The following CLINT1 variants were observed in gnomAD, a reference collection of about 807,000 sequenced individuals.
The protein encoded by CLINT1 is clathrin interacting protein localized in the trans-Golgi region.
In CLINT1, 15 loss-of-function variants were observed where a neutral mutation model predicts 70.4. The ratio of observed to expected loss-of-function variants is 0.21; its 90% CI spans 0.14 to 0.33. The LOEUF is 0.33. Among genes scored for constraint, CLINT1 ranks in the 10% least tolerant of loss-of-function variants. CLINT1 has a pLI of 1.00. For missense variants in CLINT1, 615 were observed against 778.1 expected, an observed-to-expected ratio of 0.79 and a Z score of 2.49; for synonymous variants, 227 against 254.7, an observed-to-expected ratio of 0.89 and a Z score of 1.04.
At chr5:157,833,245 G>A (rs1462464445) in intron 1 of CLINT1, among the ~76,000 whole-genome samples, 3 of 152,016 alleles carry the variant, frequency 2.0e-5, no homozygotes, top group Non-Finnish European at 4.4e-5. Flanking sequence ...CAGCTATCTG[G>A]GAAGCTGAGG....
At chr5:157,858,745 G>A (rs1251122417) in intron 1 of CLINT1, among the ~76,000 whole-genome samples, 185 bp downstream of exon 1, 1 of 152,190 alleles carries the variant, frequency 6.6e-6, no homozygotes, top group Non-Finnish European at 1.5e-5. Flanking sequence ...AAACGAGGGA[G>A]GGTCCCTCCC....
intron 1 of CLINT1, among the ~76,000 whole-genome samples, chr5:157,838,125 T>TG (rs1416558831): frequency 6.7e-6 from 1 of 149,568 alleles, no homozygotes; most frequent in Non-Finnish European, 1.5e-5. Context: ...TTTTTTTGTT[T>TG]TTTTTTTTTT....
intron 1 of CLINT1, among the ~76,000 whole-genome samples, chr5:157,835,416 A>C (rs922667652): frequency 4.6e-5 from 7 of 152,344 alleles, no homozygotes; most frequent in African/African-American, 1.7e-4. Context: ...AAATGTCACC[A>C]GAGGCTCAAA....
In CLINT1 at chr5:157,809,823, A is replaced by T. The variant is rs1762500352; in HGVS notation, c.518-18T>A. 5 of 1,601,298 alleles carry T rather than the reference A, an allele frequency of 3.1e-6. No homozygotes were observed. The highest frequency in any genetic ancestry group is 1.4e-5 in the African/African-American group (1 of 73,848). On this transcript the variant is annotated intron_variant, in intron 5 of 11. Transcript: ENST00000411809. Reference sequence around the variant, plus strand: ...TCTTTCACCTAGATAGAGCATTAAAAAAAGAAGCAATTCTAACGACATTAA... The same window carrying T: ...TCTTTCACCTAGATAGAGCATTAAATAAAGAAGCAATTCTAACGACATTAA...
intron 7 of CLINT1, among the ~76,000 whole-genome samples, chr5:157,804,750 G>C (rs1313390144): frequency 6.6e-6 from 1 of 151,818 alleles, no homozygotes; most frequent in Non-Finnish European, 1.5e-5. Context: ...CATGGAGAAA[G>C]CCCGTCTCTA....
intron 1 of CLINT1, among the ~76,000 whole-genome samples, chr5:157,847,460 G>A (rs553120129): frequency 8.8e-4 from 134 of 151,854 alleles, no homozygotes; most frequent in Admixed American, 2.8e-3. Context: ...GCAGTGAGCC[G>A]AGATCGTGCC....
At chr5:157,854,773 G>A (rs374458910) in intron 1 of CLINT1, among the ~76,000 whole-genome samples, 1 of 152,212 alleles carries the variant, frequency 6.6e-6, no homozygotes, top group East Asian at 1.9e-4. Context: ...CTATGCTTAG[G>A]AGAATAACTT....
intron 6 of CLINT1, among the ~76,000 whole-genome samples, chr5:157,806,834 CTTT>C (rs1019625196): frequency 7.9e-5 from 12 of 151,946 alleles, no homozygotes; most frequent in African/African-American, 2.7e-4. Context: ...TTTCCTTTTT[CTTT>C]AATAGTGAAA....
chr5:157,791,713 G>A lies in CLINT1; in HGVS notation c.1370C>T (p.Ser457Leu). 1 of 1,611,864 alleles carries A rather than the reference G, an allele frequency of 6.2e-7. No homozygotes were observed. The highest frequency in any genetic ancestry group is 8.5e-7 in the Non-Finnish European group (1 of 1,178,694). ...AACCAGACAACTTACCTGTGATCTT[G>A]ACATAGGCAAACCAAGTCCCACAGT... Reference protein sequence around the residue: ...TNTVGLGLPMSRSQNTDMVQK... With the variant: ...TNTVGLGLPMLRSQNTDMVQK... Residue 457 changes from serine to leucine, a missense_variant, in exon 10 of 12, where the codon TCA becomes TTA. Physicochemically the swap from Ser to Leu is moderately radical, Grantham distance 145. This residue lies in a region of CLINT1 where 374 missense variants were observed against 409.6 expected (regional missense o/e 0.91). Transcript: ENST00000411809.
intron 1 of CLINT1, among the ~76,000 whole-genome samples, chr5:157,837,704 C>T (rs549606085): frequency 6.9e-6 from 1 of 145,494 alleles, no homozygotes; most frequent in East Asian, 2.0e-4. Flanking sequence ...AGCACAGTGG[C>T]GTGATCTTGG....
At chr5:157,828,078 A>C (rs1248437666) in intron 1 of CLINT1, among the ~76,000 whole-genome samples, 1 of 152,156 alleles carries the variant, frequency 6.6e-6, no homozygotes, top group African/African-American at 2.4e-5. Flanking sequence ...ACATGTGTAA[A>C]GCATTCAGTT....
In CLINT1 at chr5:157,841,347, C is replaced by T. The variant is rs192757270; in HGVS notation, c.41+17583G>A. Among the ~76,000 whole-genome samples the T allele has an allele frequency of 5.1e-3, 781 of 152,150 alleles. 9 individuals carry two copies. The highest frequency in any genetic ancestry group is 0.017 in the African/African-American group (719 of 41,496). On this transcript the variant is annotated intron_variant, in intron 1 of 11. Transcript: ENST00000411809. Reference sequence around the variant, plus strand: ...TTGGGAGGCCGAGGTGGGCAGACCACCTGAGGTCAGGAGTTCGAGACCAGC... The same window carrying T: ...TTGGGAGGCCGAGGTGGGCAGACCATCTGAGGTCAGGAGTTCGAGACCAGC...
Position 157,813,157 on chromosome 5 carries a change from A to G in CLINT1, c.423T>C (p.Asp141=), listed in dbSNP as rs1762612218. The G allele has an allele frequency of 6.2e-7, 1 of 1,613,732 alleles. No individual in the cohort carries two copies. The change falls in exon 5 of 12, where the codon GAT becomes GAC. Residue 141 remains aspartate, a synonymous_variant. Transcript: ENST00000411809. ...TTCGCTCTTCACGAAGCCTGTCGTCATCCTGGGCAAATTCAACCAATTCCT... is the reference window on the plus strand; with the variant it reads ...TTCGCTCTTCACGAAGCCTGTCGTCGTCCTGGGCAAATTCAACCAATTCCT... The part of the protein sequence containing the change: ...KVKELVEFAQ[D]DDRLREERKK...
chr5:157,790,672 T>C (rs1298054276), intron 10 of CLINT1: 1 of 454,558 alleles, frequency 2.2e-6, no homozygotes, highest in African/African-American at 2.0e-5. Flanking sequence ...AAATGAGTAA[T>C]TAGCATCATA....
At chr5:157,805,835 T>G in intron 7 of CLINT1, 31 bp downstream of exon 7, 2 of 1,612,944 alleles carry the variant, frequency 1.2e-6, no homozygotes, top group Non-Finnish European at 1.7e-6. Context: ...AATAAAACCA[T>G]GTATAATGTG....
At chr5:157,810,846 C>T (rs962577381) in intron 5 of CLINT1, among the ~76,000 whole-genome samples, 2 of 152,166 alleles carry the variant, frequency 1.3e-5, no homozygotes, top group Non-Finnish European at 2.9e-5. Flanking sequence ...CTTTTGTTTA[C>T]AGGATCTAAA....
At chr5:157,825,861 T>C (rs1223124973) in intron 1 of CLINT1, among the ~76,000 whole-genome samples, 2 of 152,158 alleles carry the variant, frequency 1.3e-5, no homozygotes, top group Non-Finnish European at 2.9e-5. Context: ...TTGAATCCAG[T>C]ATTATCATGA....
intron 1 of CLINT1, among the ~76,000 whole-genome samples, chr5:157,849,553 TA>T (rs1259874019): frequency 1.3e-5 from 2 of 152,240 alleles, no homozygotes; most frequent in African/African-American, 4.8e-5. Context: ...GGTATGCCTG[TA>T]TAACAATTTT....
In CLINT1 at chr5:157,813,234, G is replaced by C; in HGVS notation, c.353-7C>G. ...TGATCCTTACCATGCTCATCTATGA[G>C]GATGGTAAGAGATAAGCAAAACCTA... On this transcript the variant is annotated splice_polypyrimidine_tract_variant and splice_region_variant and intron_variant, in intron 4 of 11. Transcript: ENST00000411809. The C allele has an allele frequency of 6.2e-7, 1 of 1,608,476 alleles. No individual in the cohort carries two copies. Among genetic ancestry groups the C allele is most frequent in the South Asian group, 1.1e-5 (1 of 90,586 alleles).
Sources: allele counts gnomAD v4.1 joint callset (sites outside exome capture counted in the v4.1 genomes callset), GRCh38; gene constraint gnomAD v4.1.1; regional missense constraint gnomAD v4.1.1; transcripts MANE v1.5; gene names NCBI Gene and HGNC (gene_info 2026-07-23, HGNC 2026-07-21).